The following NPAS2 variants were observed in gnomAD, a reference collection of about 807,000 sequenced individuals.
NPAS2 encodes the protein neuronal PAS domain protein 2, also known as neuronal PAS domain-containing protein 2.
In NPAS2, 23 loss-of-function variants were observed where a neutral mutation model predicts 107.5. That is an observed-to-expected ratio of 0.21 (90% CI 0.15 to 0.30). NPAS2 has a LOEUF of 0.30. NPAS2 is among the 10% of genes least tolerant of loss of function. The probability of loss-of-function intolerance (pLI) is 1.00; values close to 1 mark genes in which losing one functional copy is unlikely to be tolerated. For synonymous variants in NPAS2, 403 were observed against 417.5 expected, an observed-to-expected ratio of 0.97 and a Z score of 0.42; for missense variants, 756 against 1,043.3, an observed-to-expected ratio of 0.72 and a Z score of 3.79.
intron 7 of NPAS2, among the ~76,000 whole-genome samples, chr2:100,956,528 C>T (rs1486837599): frequency 6.6e-6 from 1 of 152,168 alleles, no homozygotes; most frequent in Non-Finnish European, 1.5e-5. Flanking sequence ...TCCATGTTGC[C>T]GCAAAGGACA....
intron 1 of NPAS2, among the ~76,000 whole-genome samples, chr2:100,842,461 G>A (rs528796285): frequency 6.6e-6 from 1 of 152,222 alleles, no homozygotes; most frequent in African/African-American, 2.4e-5. Flanking sequence ...CATCTTGCTT[G>A]TGGTCTGGGT....
intron 1 of NPAS2, among the ~76,000 whole-genome samples, chr2:100,859,232 C>A (rs1678782624): frequency 6.6e-6 from 1 of 152,186 alleles, no homozygotes; most frequent in African/African-American, 2.4e-5. Context: ...TACTGCGCTC[C>A]AGCCTGGGTG....
chr2:100,995,498 C>T lies in NPAS2; in HGVS notation c.2391C>T (p.Pro797=). Residue 797 remains proline, a synonymous_variant, in exon 21 of 21, where the codon CCC becomes CCT. Coordinates refer to ENST00000335681, the MANE Select transcript of NPAS2 (RefSeq NM_002518.4). ...QPGTLGYPQP[P]PAQPQPLRPP... is the part of the protein sequence containing the mutation. ...GGACCCTGGGCTACCCCCAACCACC[C>T]CCAGCACAGCCCCAGCCCCTACGTC... 1 of 1,614,000 alleles carries T rather than the reference C, an allele frequency of 6.2e-7. No homozygotes were observed. Among genetic ancestry groups the T allele is most frequent in the South Asian group, 1.1e-5 (1 of 91,068 alleles).
chr2:100,989,074 T>A, intron 17 of NPAS2: 1 of 171,040 alleles, frequency 5.8e-6, no homozygotes, highest in Non-Finnish European at 1.3e-5. Context: ...ACCAGTGACC[T>A]TGCAATTGGA....
At chr2:100,984,078 G>A (rs879720273) in intron 16 of NPAS2, 1 of 152,170 alleles carries the variant, frequency 6.6e-6, no homozygotes, top group Admixed American at 6.5e-5. Flanking sequence ...TAACCCCAAA[G>A]TACCTATGCC....
upstream of NPAS2, among the ~76,000 whole-genome samples, chr2:100,818,966 G>A (rs1456000072): frequency 6.6e-6 from 1 of 152,136 alleles, no homozygotes; most frequent in African/African-American, 2.4e-5. Flanking sequence ...GGTTTTCACC[G>A]GCTCTGTCTT....
In NPAS2 at chr2:100,968,927, C is replaced by T. The variant is rs182942178; in HGVS notation, c.1055+499C>T. ...GCCTGGCTGCCAGTGGGCGCGGGTT[C>T]CTGGGAGGTCCCTGCTGGCCTCAGG... On this transcript the variant is annotated intron_variant, in intron 11 of 20. Transcript: ENST00000335681. The surrounding 1 kb of genome is among the most constrained non-coding windows in gnomAD (Gnocchi z 5.3). Among the ~76,000 whole-genome samples the T allele has an allele frequency of 3.7e-3, 565 of 152,316 alleles. 4 individuals are homozygous for T. Among genetic ancestry groups the T allele is most frequent in the African/African-American group, 0.013 (534 of 41,568 alleles).
intron 17 of NPAS2, chr2:100,988,613 T>C: frequency 2.8e-6 from 1 of 352,296 alleles, no homozygotes; most frequent in Non-Finnish European, 5.4e-6. Context: ...CACTGGCAGC[T>C]GAATGTCCCA....
At chr2:100,892,822 A>G (rs1457510865) in intron 1 of NPAS2, among the ~76,000 whole-genome samples, 1 of 152,034 alleles carries the variant, frequency 6.6e-6, no homozygotes, top group Admixed American at 6.6e-5. Flanking sequence ...GGTTCGAGTA[A>G]TTCTCCTGCC....
chr2:100,964,705 A>G (rs1290886108), intron 8 of NPAS2, among the ~76,000 whole-genome samples, 156 bp from the exon 9 acceptor site: 4 of 152,186 alleles, frequency 2.6e-5, no homozygotes, highest in African/African-American at 7.2e-5. Context: ...TAATACCGAA[A>G]TTAGCTACAG....
At chr2:100,920,934 TCTTCC>T (rs1187957200) in intron 2 of NPAS2, among the ~76,000 whole-genome samples, 1 of 152,210 alleles carries the variant, frequency 6.6e-6, no homozygotes, top group Non-Finnish European at 1.5e-5. Context: ...AAGGTCGCAG[TCTTCC>T]CTTGATTTCC....
chr2:100,958,283 G>A (rs924432229), intron 7 of NPAS2, among the ~76,000 whole-genome samples: 3 of 152,204 alleles, frequency 2.0e-5, no homozygotes, highest in Non-Finnish European at 2.9e-5. Flanking sequence ...TGTATGTTCC[G>A]TGGGATTTCT....
At chr2:100,932,780 C>A (rs1684043881) in intron 3 of NPAS2, 130 bp from the exon 4 acceptor site, 1 of 656,320 alleles carries the variant, frequency 1.5e-6, no homozygotes, top group Non-Finnish European at 2.7e-6. Flanking sequence ...ATATTTCCTT[C>A]TGCTGGCTTC....
At chr2:100,866,035 C>T (rs1310861591) in intron 1 of NPAS2, among the ~76,000 whole-genome samples, 1 of 152,178 alleles carries the variant, frequency 6.6e-6, no homozygotes, top group Non-Finnish European at 1.5e-5. Flanking sequence ...TGTTCATGCT[C>T]AGCAATTCCG....
rs538819126 is a variant in NPAS2 at position 100,968,574 on chromosome 2, C to T, written c.1055+146C>T. On this transcript the variant is annotated intron_variant, in intron 11 of 20. Coordinates refer to ENST00000335681, the MANE Select transcript of NPAS2 (RefSeq NM_002518.4). This position sits in a 1 kb window ranked among gnomAD's most constrained non-coding sequence, Gnocchi z 5.3. ...AGATGAAGCCCAGGCCATCCCCTGC[C>T]GTTAACAGCACAATTCCCAGAGCTC... is the stretch of plus-strand genomic sequence containing the variant. 24 of 732,156 alleles carry T rather than the reference C, an allele frequency of 3.3e-5. No individual in the cohort carries two copies. In the East Asian group the frequency reaches 5.0e-4, roughly 15 times the overall value. The allele number at this position is 732,156 out of a possible 1,614,324, so 45.4% of individuals were successfully genotyped here.
intron 11 of NPAS2, among the ~76,000 whole-genome samples, chr2:100,970,168 G>A (rs1036725307): frequency 1.3e-5 from 2 of 152,148 alleles, no homozygotes; most frequent in African/African-American, 2.4e-5. Context: ...CATGGCAGCC[G>A]CCTGTTGCCA....
At chr2:100,977,432 AG>A (rs1439227759) in intron 14 of NPAS2, among the ~76,000 whole-genome samples, 1 of 152,204 alleles carries the variant, frequency 6.6e-6, no homozygotes, top group Non-Finnish European at 1.5e-5. Context: ...AGGGAAGGGA[AG>A]TAGAGCTGAG....
At chr2:100,959,104 A>C (rs1333534368) in intron 7 of NPAS2, among the ~76,000 whole-genome samples, 4 of 60,128 alleles carry the variant, frequency 6.7e-5, no homozygotes, top group African/African-American at 2.0e-4. Flanking sequence ...AAAAAAAAAA[A>C]AAAAACAAAA....
At chr2:100,861,415 C>G (rs745982604) in intron 1 of NPAS2, among the ~76,000 whole-genome samples, 1 of 152,074 alleles carries the variant, frequency 6.6e-6, no homozygotes, top group Non-Finnish European at 1.5e-5. Flanking sequence ...AAGCTGGAAC[C>G]GACAGAATTG....
Sources: gnomAD v4.1 joint callset for allele counts (sites outside exome capture counted in the v4.1 genomes callset) on GRCh38, gnomAD v4.1.1 for gene constraint, Gnocchi (gnomAD v3.1) non-coding constraint, MANE v1.5 for transcripts, NCBI Gene and HGNC (gene_info 2026-07-23, HGNC 2026-07-21) for gene names.